Variants in DPYSL3 observed in about 807,000 individuals in gnomAD.
DPYSL3 encodes dihydropyrimidinase like 3.
Under a neutral mutation model 66.1 loss-of-function variants are expected in DPYSL3, and 16 were observed. The ratio of observed to expected loss-of-function variants is 0.24; its 90% CI spans 0.16 to 0.37. The LOEUF (loss-of-function observed/expected upper bound fraction) is 0.37, where lower values mean the gene tolerates loss of function less well. Among genes scored for constraint, DPYSL3 ranks in the 10% least tolerant of loss-of-function variants. The probability of loss-of-function intolerance (pLI) is 1.00; values close to 1 mark genes in which losing one functional copy is unlikely to be tolerated. For missense variants in DPYSL3, 738 were observed against 916.2 expected (o/e 0.81, Z 2.51); for synonymous variants, 338 against 345.1 (o/e 0.98, Z 0.23).
At chr5:147,408,301 G>T (rs141686275) in intron 7 of DPYSL3, among the ~76,000 whole-genome samples, 1 of 152,258 alleles carries the variant, frequency 6.6e-6, no homozygotes, top group African/African-American at 2.4e-5. Flanking sequence ...TTTTATATAT[G>T]AGAAACTTCC....
chr5:147,462,972 A>T (rs575426862), intron 1 of DPYSL3, among the ~76,000 whole-genome samples: 6 of 152,270 alleles, frequency 3.9e-5, no homozygotes, highest in African/African-American at 1.4e-4. Flanking sequence ...GCAGCCACAA[A>T]TGCCCAGCAC....
chr5:147,438,695 T>C (rs528874364), intron 1 of DPYSL3, among the ~76,000 whole-genome samples: 25 of 152,382 alleles, frequency 1.6e-4, no homozygotes, highest in African/African-American at 5.8e-4. Context: ...AATAGTCTAC[T>C]CTTTTGTGAT....
intron 1 of DPYSL3, among the ~76,000 whole-genome samples, chr5:147,488,326 C>T (rs1265229818): frequency 6.6e-6 from 1 of 152,174 alleles, no homozygotes; most frequent in Non-Finnish European, 1.5e-5. Context: ...GCATGCATTG[C>T]TGTCAAGTAA....
intron 1 of DPYSL3, among the ~76,000 whole-genome samples, chr5:147,479,362 C>T (rs935896220): frequency 5.3e-5 from 8 of 152,142 alleles, no homozygotes; most frequent in Admixed American, 2.0e-4. Flanking sequence ...GTCTCAGCGC[C>T]TTTGGCTGTA....
At chr5:147,421,370 A>C (rs1752073335) in intron 2 of DPYSL3, among the ~76,000 whole-genome samples, 1 of 152,196 alleles carries the variant, frequency 6.6e-6, no homozygotes, top group Non-Finnish European at 1.5e-5. Flanking sequence ...AGACACAAAC[A>C]AATGGGAAAA....
intron 1 of DPYSL3, among the ~76,000 whole-genome samples, chr5:147,436,329 T>C (rs1368729979): frequency 6.6e-6 from 1 of 152,240 alleles, no homozygotes; most frequent in Non-Finnish European, 1.5e-5. Context: ...CCTTTAAATC[T>C]ATATCATGAA....
intron 1 of DPYSL3, among the ~76,000 whole-genome samples, chr5:147,465,726 A>G (rs907968029): frequency 6.6e-6 from 1 of 152,246 alleles, no homozygotes; most frequent in Admixed American, 6.5e-5. Flanking sequence ...GTGAGCACCC[A>G]GAGGCCTGGC....
chr5:147,393,759 A>C lies in DPYSL3; in HGVS notation c.*276T>G. The stretch of plus-strand genomic sequence containing the variant: ...ACACACGCTCTCAACACTATGATAG[A>C]GCAGACTCTTTTACCTTAGTGGCCT... On this transcript the variant is annotated 3_prime_UTR_variant, in exon 14 of 14. Coordinates refer to ENST00000343218, the MANE Select transcript of DPYSL3 (RefSeq NM_001197294.2). 2.2e-6 allele frequency: 1 copy of C among 444,938 alleles called. No individual in the cohort carries two copies. Among genetic ancestry groups the C allele is most frequent in the Non-Finnish European group, 4.1e-6 (1 of 241,444 alleles). The allele number at this position is 444,938 out of a possible 1,614,324, so 27.6% of individuals were successfully genotyped here.
chr5:147,489,573 A>G (rs1304016534), intron 1 of DPYSL3, among the ~76,000 whole-genome samples: 1 of 152,226 alleles, frequency 6.6e-6, no homozygotes, highest in Non-Finnish European at 1.5e-5. Flanking sequence ...CCATAAATGT[A>G]ATATTTCATG....
chr5:147,443,593 G>GTTT (rs541962514), intron 1 of DPYSL3, among the ~76,000 whole-genome samples: 1 of 143,186 alleles, frequency 7.0e-6, no homozygotes. Context: ...CATGTATCCC[G>GTTT]TTTTTTTTTT....
chr5:147,487,703 C>T (rs1214353862), intron 1 of DPYSL3, among the ~76,000 whole-genome samples: 1 of 152,180 alleles, frequency 6.6e-6, no homozygotes, highest in African/African-American at 2.4e-5. Context: ...TTATTGTTTA[C>T]AAACCTAAAA....
At chr5:147,424,840 G>T (rs748050124) in intron 2 of DPYSL3, 35 bp downstream of exon 2, 40 of 1,489,294 alleles carry the variant, frequency 2.7e-5, no homozygotes, top group Non-Finnish European at 3.3e-5. Context: ...AGGAGGAAGT[G>T]CAAAACAATA....
chr5:147,500,469 C>T (rs1353327802), intron 1 of DPYSL3, among the ~76,000 whole-genome samples: 3 of 151,952 alleles, frequency 2.0e-5, no homozygotes, highest in African/African-American at 7.3e-5. Context: ...CAAGAATTAG[C>T]CGGGCGTGGT....
rs1581200052 is a variant in DPYSL3 at position 147,448,629 on chromosome 5, C to T, written c.382-23666G>A. 2.6e-5 allele frequency among the ~76,000 whole-genome samples: 4 copies of T among 152,156 alleles called. No homozygotes were observed. In the South Asian group the frequency reaches 6.2e-4, roughly 24 times the overall value. On this transcript the variant is annotated intron_variant, in intron 1 of 13. Transcript: ENST00000343218. ...ACCACTTTCATGGCCACTATTTGAG[C>T]CTCTTAGTAGCTCAGTGCAATAAGC...
intron 1 of DPYSL3, among the ~76,000 whole-genome samples, chr5:147,504,982 T>C (rs1753663791): frequency 6.6e-6 from 1 of 152,240 alleles, no homozygotes; most frequent in South Asian, 2.1e-4. Context: ...GAAAAGCATC[T>C]TGAGAAATGA....
intron 1 of DPYSL3, among the ~76,000 whole-genome samples, chr5:147,439,175 C>A (rs1353523829): frequency 6.6e-6 from 1 of 152,146 alleles, no homozygotes; most frequent in Admixed American, 6.5e-5. Context: ...TAAAATAAGG[C>A]ACTGCAGTGG....
chr5:147,406,014 C>A, intron 7 of DPYSL3: 1 of 241,876 alleles, frequency 4.1e-6, no homozygotes, highest in African/African-American at 2.2e-5. Context: ...TTTCCTTAGC[C>A]TCTGTGGTTA....
chr5:147,390,871 TC>T lies in DPYSL3; in HGVS notation c.*3163del, dbSNP rs1419309538. On this transcript the variant is annotated 3_prime_UTR_variant, in exon 14 of 14. Coordinates refer to ENST00000343218, the MANE Select transcript of DPYSL3 (RefSeq NM_001197294.2). ...TTAACAGTCACGTGATGAACTTTTT[TC>T]TTTAATGTCAGCTAAACTCAAAACA... The T allele has an allele frequency of 6.5e-6, 1 of 152,676 alleles. No homozygotes were observed. Among genetic ancestry groups the T allele is most frequent in the Non-Finnish European group, 1.5e-5 (1 of 68,044 alleles). The allele number at this position is 152,676 out of a possible 1,614,324, so 9.5% of individuals were successfully genotyped here.
At chr5:147,413,947 T>C (rs1382214154) in intron 4 of DPYSL3, among the ~76,000 whole-genome samples, 3 of 152,204 alleles carry the variant, frequency 2.0e-5, no homozygotes, top group Admixed American at 1.3e-4. Context: ...ATAAACTTTG[T>C]TATTGCTCAA....
Sources: gnomAD v4.1 joint callset for allele counts (sites outside exome capture counted in the v4.1 genomes callset) on GRCh38, gnomAD v4.1.1 for gene constraint, MANE v1.5 for transcripts, NCBI Gene and HGNC (gene_info 2026-07-23, HGNC 2026-07-21) for gene names.